The following MERTK variants were observed in gnomAD, a reference collection of about 807,000 sequenced individuals.
MERTK encodes MER proto-oncogene, tyrosine kinase, also known as tyrosine-protein kinase Mer.
A neutral mutation model predicts 99.3 loss-of-function variants in MERTK; 69 were observed. That is an observed-to-expected ratio of 0.70 (90% CI 0.57 to 0.85). The LOEUF is 0.85. MERTK is among the 40% of genes least tolerant of loss of function. The pLI is 0.00. For synonymous variants in MERTK, 426 were observed against 467.6 expected (o/e 0.91, Z 1.15); for missense variants, 1,125 against 1,249.4 (o/e 0.90, Z 1.50).
At chr2:112,002,938 A>G (rs556823112) in intron 11 of MERTK, among the ~76,000 whole-genome samples, 154 bp from the exon 12 acceptor site, 21 of 152,276 alleles carry the variant, frequency 1.4e-4, no homozygotes, top group African/African-American at 4.8e-4. Context: ...GCACCATTGC[A>G]CTCCAGCCTG....
intron 1 of MERTK, among the ~76,000 whole-genome samples, chr2:111,906,036 C>G (rs1417379946): frequency 6.6e-6 from 1 of 151,892 alleles, no homozygotes; most frequent in East Asian, 1.9e-4. Flanking sequence ...GATTTTTTTG[C>G]CAGCACATTT....
At chr2:112,020,795 C>T in intron 16 of MERTK, 1 of 410,858 alleles carries the variant, frequency 2.4e-6, no homozygotes, top group African/African-American at 2.1e-5. Context: ...GCTGCTCTTT[C>T]TGCTCCTGCT....
At chr2:112,027,985 A>C (rs952808531) in intron 18 of MERTK, among the ~76,000 whole-genome samples, 1 of 152,246 alleles carries the variant, frequency 6.6e-6, no homozygotes, top group Non-Finnish European at 1.5e-5. Flanking sequence ...TAAACAAATA[A>C]GGATAGCTGT....
rs760710190 is a variant in MERTK at position 112,028,556 on chromosome 2, G to A, written c.2692G>A (p.Asp898Asn). ...CCTTGCTCCACTGGACTTGAACATC[G>A]ACCCTGACTCTATAATTGCCTCCTG... ...STLAPLDLNIDPDSIIASCTP... is the reference protein window; with the variant it reads ...STLAPLDLNINPDSIIASCTP... Residue 898 changes from aspartate to asparagine, a missense_variant, in exon 19 of 19, where the codon GAC becomes AAC. By Grantham distance (23) the Asp-to-Asn change is conservative. Coordinates refer to ENST00000295408, the MANE Select transcript of MERTK (RefSeq NM_006343.3). 8.7e-6 allele frequency: 14 copies of A among 1,614,134 alleles called. No individual in the cohort carries two copies. The Middle Eastern group carries it at 4.9e-4, about 57-fold the overall frequency.
chr2:111,915,749 G>C (rs1684339430), intron 1 of MERTK, among the ~76,000 whole-genome samples: 1 of 152,066 alleles, frequency 6.6e-6, no homozygotes, highest in Non-Finnish European at 1.5e-5. Flanking sequence ...CAAAAAATTA[G>C]CCAGGCTTGG....
chr2:112,003,074 A>C lies in MERTK; in HGVS notation c.1691-18A>C. 8.4e-7 allele frequency: 1 copy of C among 1,183,502 alleles called. No homozygotes were observed. The highest frequency in any genetic ancestry group is 1.3e-6 in the Non-Finnish European group (1 of 787,118). The allele number at this position is 1,183,502 out of a possible 1,614,324, so 73.3% of individuals were successfully genotyped here. ...CACGCTGACAATTTTTGTACATACT[A>C]TGTTACTCCTTTTTCAGTACATAGC... On this transcript the variant is annotated intron_variant, in intron 11 of 18. Coordinates refer to ENST00000295408, the MANE Select transcript of MERTK (RefSeq NM_006343.3).
At position 112,001,170 on chromosome 2, in the gene MERTK, T is replaced by C. The variant is rs1433445674; in HGVS notation, c.1605-31T>C. The C allele has an allele frequency of 1.9e-6, 3 of 1,554,522 alleles. No individual in the cohort carries two copies. In the African/African-American group the frequency reaches 4.1e-5, roughly 21 times the overall value. On this transcript the variant is annotated intron_variant, in intron 10 of 18. Coordinates refer to ENST00000295408, the MANE Select transcript of MERTK (RefSeq NM_006343.3). ...GCCTGCCCCAGTAGCCCTGTTTTTA[T>C]AGTGAAGTATCTTTGTTTTCATTCA...
At chr2:112,016,320 G>A (rs1203220290) in intron 15 of MERTK, among the ~76,000 whole-genome samples, 1 of 152,128 alleles carries the variant, frequency 6.6e-6, no homozygotes, top group Admixed American at 6.5e-5. Context: ...TTCAATGATG[G>A]AAAATAACTT....
At chr2:111,949,206 A>G (rs1379388657) in intron 4 of MERTK, among the ~76,000 whole-genome samples, 1 of 151,928 alleles carries the variant, frequency 6.6e-6, no homozygotes, top group Non-Finnish European at 1.5e-5. Context: ...TGCACTTGTC[A>G]CCGTCTATAA....
At chr2:112,014,469 G>A (rs998168046) in intron 15 of MERTK, among the ~76,000 whole-genome samples, 7 of 151,992 alleles carry the variant, frequency 4.6e-5, no homozygotes, top group Non-Finnish European at 8.8e-5. Flanking sequence ...TAGCTGTTAC[G>A]TTGTATAATT....
intron 1 of MERTK, among the ~76,000 whole-genome samples, chr2:111,928,737 C>T (rs927272449): frequency 2.6e-5 from 4 of 152,136 alleles, no homozygotes; most frequent in Non-Finnish European, 4.4e-5. Flanking sequence ...CCTCCTGTCT[C>T]GACCTCCCAA....
chr2:112,010,102 C>A, intron 15 of MERTK, 36 bp downstream of exon 15: 1 of 1,442,196 alleles, frequency 6.9e-7, no homozygotes, highest in South Asian at 1.1e-5. Context: ...GAACACTTCT[C>A]AGGGCTTATG....
chr2:111,999,714 G>A (rs1219923980), intron 10 of MERTK, among the ~76,000 whole-genome samples: 1 of 152,194 alleles, frequency 6.6e-6, no homozygotes. Flanking sequence ...TGTCACACGT[G>A]TCCATGTGAA....
intron 7 of MERTK, among the ~76,000 whole-genome samples, chr2:111,976,549 T>C (rs1273193513): frequency 1.3e-5 from 2 of 151,016 alleles, no homozygotes; most frequent in Non-Finnish European, 3.0e-5. Flanking sequence ...TGTGTGTGTG[T>C]GTGTGTGTGT....
At chr2:111,972,055 A>G (rs1676132492) in intron 6 of MERTK, among the ~76,000 whole-genome samples, 1 of 152,086 alleles carries the variant, frequency 6.6e-6, no homozygotes, top group Admixed American at 6.5e-5. Context: ...TTTGAGACAG[A>G]GTTTCGCGCT....
Position 111,912,266 on chromosome 2 carries a change from C to T in MERTK, c.61+13470C>T, listed in dbSNP as rs886571684. On this transcript the variant is annotated intron_variant, in intron 1 of 18. Transcript: ENST00000295408. Reference sequence around the variant, plus strand: ...TCATGATTTGCCCACCTCGGTCTCCCAAAGTGCTGGAATTACGGGCATGAG... The same window carrying T: ...TCATGATTTGCCCACCTCGGTCTCCTAAAGTGCTGGAATTACGGGCATGAG... Among the ~76,000 whole-genome samples the T allele has an allele frequency of 5.9e-5, 9 of 152,194 alleles. No homozygotes were observed. In the East Asian group the frequency reaches 1.7e-3, roughly 29 times the overall value.
At chr2:112,025,985 A>G (rs966298895) in intron 18 of MERTK, among the ~76,000 whole-genome samples, 3 of 152,188 alleles carry the variant, frequency 2.0e-5, no homozygotes, top group African/African-American at 7.2e-5. Context: ...ATGGCAACCT[A>G]TATGATCACA....
intron 1 of MERTK, among the ~76,000 whole-genome samples, chr2:111,916,548 C>T (rs533001815): frequency 4.6e-5 from 7 of 151,408 alleles, no homozygotes; most frequent in Non-Finnish European, 1.0e-4. Context: ...CTAAAATTTC[C>T]TTTTGATTTT....
intron 2 of MERTK, among the ~76,000 whole-genome samples, chr2:111,932,966 T>TATGGTC (rs1296949209): frequency 6.6e-6 from 1 of 152,224 alleles, no homozygotes; most frequent in Non-Finnish European, 1.5e-5. Context: ...ATTTGTTTTT[T>TATGGTC]ATGGTCATGC....
Sources: allele counts gnomAD v4.1 joint callset (sites outside exome capture counted in the v4.1 genomes callset), GRCh38; gene constraint gnomAD v4.1.1; transcripts MANE v1.5; gene names NCBI Gene and HGNC (gene_info 2026-07-23, HGNC 2026-07-21).